Variants in CDH12 observed in about 807,000 individuals in gnomAD.
CDH12 encodes cadherin-12.
Under a neutral mutation model 74.1 loss-of-function variants are expected in CDH12, and 41 were observed. That is an observed-to-expected ratio of 0.55 (90% CI 0.43 to 0.72). CDH12 has a LOEUF of 0.72. Ranked by LOEUF, CDH12 falls within the 30% of genes least tolerant of loss-of-function variation. The pLI is 0.00. For missense variants in CDH12, 945 were observed against 977.2 expected (o/e 0.97, Z 0.44); for synonymous variants, 399 against 355.0 (o/e 1.12, Z -1.39).
chr5:22,111,075 T>C (rs1019492324), intron 4 of CDH12, among the ~76,000 whole-genome samples: 1 of 152,180 alleles, frequency 6.6e-6, no homozygotes, highest in African/African-American at 2.4e-5. Flanking sequence ...AGAGTTGAAA[T>C]AGTTACTCAA....
intron 1 of CDH12, among the ~76,000 whole-genome samples, chr5:22,851,845 A>T (rs2126543404): frequency 6.6e-6 from 1 of 152,316 alleles, no homozygotes; most frequent in East Asian, 1.9e-4. Context: ...ATGATATTTT[A>T]AATTGTCTAG....
intron 9 of CDH12, among the ~76,000 whole-genome samples, chr5:21,807,742 A>G (rs1561201950): frequency 1.3e-5 from 2 of 152,040 alleles, no homozygotes; most frequent in Admixed American, 6.6e-5. Flanking sequence ...CCTGCCCCCA[A>G]TGACCTATAC....
chr5:22,277,514 T>C (rs995932701), intron 3 of CDH12, among the ~76,000 whole-genome samples: 3 of 152,110 alleles, frequency 2.0e-5, no homozygotes, highest in Non-Finnish European at 4.4e-5. Flanking sequence ...TGGTGCTTTT[T>C]GTGACAGACG....
At chr5:22,455,854 G>A (rs1745243217) in intron 2 of CDH12, among the ~76,000 whole-genome samples, 2 of 152,092 alleles carry the variant, frequency 1.3e-5, no homozygotes. Context: ...AGTGAAGAAA[G>A]AGATTTTAAA....
chr5:21,925,970 T>A (rs1754567457), intron 6 of CDH12, among the ~76,000 whole-genome samples: 1 of 152,134 alleles, frequency 6.6e-6, no homozygotes, highest in Non-Finnish European at 1.5e-5. Context: ...TTCTGGCATC[T>A]TGTGGGGGAG....
intron 7 of CDH12, among the ~76,000 whole-genome samples, chr5:21,851,468 TAATAA>T (rs1579833768): frequency 6.6e-6 from 1 of 150,528 alleles, no homozygotes; most frequent in Middle Eastern, 3.7e-3. Flanking sequence ...ATAATTTATA[TAATAA>T]AATAATACAA....
At chr5:22,010,905 G>A (rs1272029390) in intron 5 of CDH12, among the ~76,000 whole-genome samples, 1 of 151,894 alleles carries the variant, frequency 6.6e-6, no homozygotes, top group Non-Finnish European at 1.5e-5. Flanking sequence ...ATTCATTTGT[G>A]TCTTAACAGT....
intron 10 of CDH12, among the ~76,000 whole-genome samples, chr5:21,798,622 G>T (rs1014501212): frequency 2.0e-5 from 3 of 152,012 alleles, no homozygotes; most frequent in African/African-American, 4.8e-5. Flanking sequence ...GGTCATGAGG[G>T]TGGAGTCCTC....
intron 1 of CDH12, among the ~76,000 whole-genome samples, chr5:22,552,725 C>G (rs1738628902): frequency 1.3e-5 from 2 of 152,116 alleles, no homozygotes; most frequent in Non-Finnish European, 2.9e-5. Flanking sequence ...CCATGCCTGG[C>G]CAACACTCCC....
At chr5:22,028,435 A>T (rs151260150) in intron 5 of CDH12, among the ~76,000 whole-genome samples, 4,850 of 152,192 alleles carry the variant, frequency 0.032, 258 homozygotes, top group African/African-American at 0.11. Context: ...AAATCAATGT[A>T]CAAAAATCAC....
intron 9 of CDH12, among the ~76,000 whole-genome samples, chr5:21,809,405 T>A (rs1279439256): frequency 2.0e-5 from 3 of 152,230 alleles, no homozygotes; most frequent in Non-Finnish European, 4.4e-5. Flanking sequence ...AATATATGTG[T>A]CATGTCCACA....
At chr5:22,509,408 T>A (rs1450371139) in intron 1 of CDH12, among the ~76,000 whole-genome samples, 1 of 152,174 alleles carries the variant, frequency 6.6e-6, no homozygotes, top group Non-Finnish European at 1.5e-5. Context: ...ACTACATTCA[T>A]AAAGTGTGAT....
At chr5:22,835,177 A>G (rs1736770345) in intron 1 of CDH12, among the ~76,000 whole-genome samples, 1 of 152,134 alleles carries the variant, frequency 6.6e-6, no homozygotes, top group Admixed American at 6.6e-5. Context: ...TATTTGTCAT[A>G]TCATGATTAT....
intron 3 of CDH12, among the ~76,000 whole-genome samples, chr5:22,365,651 T>C (rs1398390833): frequency 6.6e-6 from 1 of 152,214 alleles, no homozygotes; most frequent in East Asian, 1.9e-4. Context: ...TTTCTTCTTA[T>C]AGAAATGAAG....
At chr5:22,672,847 C>A (rs1740976795) in intron 1 of CDH12, among the ~76,000 whole-genome samples, 1 of 152,066 alleles carries the variant, frequency 6.6e-6, no homozygotes, top group African/African-American at 2.4e-5. Context: ...ATTGTATGTT[C>A]TATTTCTAAG....
At chr5:22,521,344 T>C (rs931212996) in intron 1 of CDH12, among the ~76,000 whole-genome samples, 1 of 152,088 alleles carries the variant, frequency 6.6e-6, no homozygotes, top group African/African-American at 2.4e-5. Context: ...GAAGTTTGTA[T>C]ATATAATGTT....
chr5:21,917,518 G>A (rs1271943427), intron 6 of CDH12, among the ~76,000 whole-genome samples: 1 of 152,158 alleles, frequency 6.6e-6, no homozygotes, highest in Non-Finnish European at 1.5e-5. Context: ...TTTCATTCAT[G>A]TTTACCTTTA....
chr5:22,362,403 A>G (rs575790236), intron 3 of CDH12, among the ~76,000 whole-genome samples: 1 of 152,326 alleles, frequency 6.6e-6, no homozygotes, highest in East Asian at 1.9e-4. Flanking sequence ...ACCAGTTAGA[A>G]TGGCGATCAT....
At chr5:22,637,417 T>C (rs1346303682) in intron 1 of CDH12, among the ~76,000 whole-genome samples, 1 of 152,184 alleles carries the variant, frequency 6.6e-6, no homozygotes, top group African/African-American at 2.4e-5. Context: ...AGTCCTTCCT[T>C]ACACGGGTGA....
Sources: gnomAD v4.1 joint callset for allele counts (sites outside exome capture counted in the v4.1 genomes callset) on GRCh38, gnomAD v4.1.1 for gene constraint, MANE v1.5 for transcripts, NCBI Gene and HGNC (gene_info 2026-07-23, HGNC 2026-07-21) for gene names.